Variants in MCAT observed in about 807,000 individuals in gnomAD.
MCAT encodes the protein malonyl-CoA-acyl carrier protein transacylase, mitochondrial.
In MCAT, 22 loss-of-function variants were observed where a neutral mutation model predicts 22.9. That is an observed-to-expected ratio of 0.96 (90% CI 0.69 to 1.37). The LOEUF (loss-of-function observed/expected upper bound fraction) is 1.37, where lower values mean the gene tolerates loss of function less well. Ranked by LOEUF, MCAT falls within the 40% of genes most tolerant of loss-of-function variation. The pLI, the probability that MCAT is intolerant of heterozygous loss-of-function variation, is 0.00. For synonymous variants in MCAT, 240 were observed against 233.9 expected, an observed-to-expected ratio of 1.03 and a Z score of -0.24; for missense variants, 534 against 533.6, an observed-to-expected ratio of 1.00 and a Z score of -0.01.
chr22:43,135,503 CAAAAAACAAAA>C (rs1434378318), intron 3 of MCAT, among the ~76,000 whole-genome samples: 2 of 33,126 alleles, frequency 6.0e-5, no homozygotes, highest in Non-Finnish European at 7.2e-5. Context: ...GACATTGTCT[CAAAAAACAAAA>C]AAAAAAAAAA....
chr22:43,133,548 C>T, intron 3 of MCAT, 62 bp from the exon 4 acceptor site: 1 of 1,369,860 alleles, frequency 7.3e-7, no homozygotes, highest in South Asian at 1.4e-5. Context: ...ACAGATCTGA[C>T]CATTCACAGG....
chr22:43,140,994 C>T (rs1930751271), intron 2 of MCAT, 168 bp downstream of exon 2: 1 of 611,522 alleles, frequency 1.6e-6, no homozygotes, highest in African/African-American at 1.8e-5. Flanking sequence ...ATCCTTCAGT[C>T]TTGAAAAGGA....
At position 43,133,414 on chromosome 22, in the gene MCAT, C is replaced by T. The variant is rs1438223464; in HGVS notation, c.802G>A (p.Ala268Thr). 3.7e-6 allele frequency: 6 copies of T among 1,613,928 alleles called. No homozygotes were observed. The Admixed American group carries it at 5.0e-5, about 13-fold the overall frequency. ...GGCTCCATGAGGCGGGTGTGGAATG[C>T]GCCACTAACCGGCAACATCCTGGTG... Reference protein sequence around the residue: ...RRTRMLPVSGAFHTRLMEPAV... With the variant: ...RRTRMLPVSGTFHTRLMEPAV... The change falls in exon 4 of 4, where the codon GCA becomes ACA. Residue 268 changes from alanine to threonine, a missense_variant. Ala to Thr is a moderately conservative substitution (Grantham distance 58). Coordinates refer to ENST00000290429, the MANE Select transcript of MCAT (RefSeq NM_173467.5).
At position 43,137,291 on chromosome 22, in the gene MCAT, A is replaced by G. The variant is rs1356746048; in HGVS notation, c.519T>C (p.Tyr173=). The change falls in exon 3 of 4, where the codon TAT becomes TAC. Residue 173 remains tyrosine (Y), a synonymous_variant. Transcript: ENST00000290429. ...TGGCCTCAGCTCGGATTTTCACTGC[A>G]TACAAACCTGGCCAGAGAGAAGCGC... The part of the protein sequence containing the change: ...AGAMEFAEGL[Y]AVKIRAEAMQ... The G allele has an allele frequency of 1.9e-6, 3 of 1,613,598 alleles. No individual in the cohort carries two copies. In the Admixed American group the frequency reaches 5.0e-5, roughly 27 times the overall value.
intron 3 of MCAT, among the ~76,000 whole-genome samples, chr22:43,136,394 C>T (rs1930611744): frequency 6.6e-6 from 1 of 152,260 alleles, no homozygotes; most frequent in Admixed American, 6.5e-5. Context: ...GAGCCAGGCA[C>T]TCAGCACCCA....
chr22:43,138,389 A>C (rs1476882899), intron 2 of MCAT, among the ~76,000 whole-genome samples: 1 of 152,166 alleles, frequency 6.6e-6, no homozygotes, highest in East Asian at 1.9e-4. Context: ...ATGACTCCTG[A>C]TTCAGTGTGG....
chr22:43,140,922 G>A (rs1014796359), intron 2 of MCAT: 62 of 543,688 alleles, frequency 1.1e-4, no homozygotes, highest in Middle Eastern at 9.6e-4. Context: ...ACAGGATAGC[G>A]GGTTAGACAG....
intron 3 of MCAT, among the ~76,000 whole-genome samples, chr22:43,134,492 C>T (rs1930547651): frequency 6.6e-6 from 1 of 152,164 alleles, no homozygotes; most frequent in Admixed American, 6.5e-5. Context: ...GGACTATAAG[C>T]ATGTACCACC....
intron 3 of MCAT, among the ~76,000 whole-genome samples, chr22:43,134,055 C>T (rs940991498): frequency 6.6e-5 from 10 of 152,176 alleles, no homozygotes; most frequent in Non-Finnish European, 1.2e-4. Context: ...CATGAGCCGC[C>T]GCACCCGGAT....
chr22:43,140,589 T>C (rs1391428342), intron 2 of MCAT, among the ~76,000 whole-genome samples: 1 of 152,140 alleles, frequency 6.6e-6, no homozygotes, highest in African/African-American at 2.4e-5. Flanking sequence ...GGCTCAAACA[T>C]CTATCTGCCT....
intron 2 of MCAT, among the ~76,000 whole-genome samples, chr22:43,137,685 A>G (rs1213632222): frequency 1.3e-5 from 2 of 151,676 alleles, no homozygotes; most frequent in Non-Finnish European, 2.9e-5. Context: ...TGCACAGGTC[A>G]GCCCCCCTTG....
chr22:43,141,632 C>A (rs1352406032), intron 1 of MCAT, among the ~76,000 whole-genome samples: 1 of 151,966 alleles, frequency 6.6e-6, no homozygotes, highest in Non-Finnish European at 1.5e-5. Context: ...AGTGCAATGG[C>A]GTGATCTCGG....
chr22:43,135,596 G>A (rs991499504), intron 3 of MCAT, among the ~76,000 whole-genome samples: 1 of 151,848 alleles, frequency 6.6e-6, no homozygotes, highest in African/African-American at 2.4e-5. Flanking sequence ...CTACTGGGGA[G>A]ACTCCTGCCC....
In MCAT at chr22:43,141,174, C is replaced by T. The variant is rs376771812; in HGVS notation, c.499G>A (p.Glu167Lys). The change falls in exon 2 of 4, where the codon GAA becomes AAA. Residue 167 changes from glutamate to lysine, a missense_variant. Coordinates refer to ENST00000290429, the MANE Select transcript of MCAT (RefSeq NM_173467.5). ...FAALVFAGAM[E>K]FAEGLYAVKI... ...CTCCTTCCTGTACCTTCAGCAAATT[C>T]CATGGCTCCGGCAAACACTAGGGCT... The T allele has an allele frequency of 1.1e-5, 17 of 1,614,006 alleles. No homozygotes were observed. The highest frequency in any genetic ancestry group is 1.4e-5 in the Non-Finnish European group (16 of 1,180,026).
chr22:43,142,806 A>C lies in MCAT; in HGVS notation c.423+120T>G. 6 of 1,121,368 alleles carry C rather than the reference A, an allele frequency of 5.4e-6. No individual in the cohort carries two copies. In the East Asian group the frequency reaches 1.8e-4, roughly 34 times the overall value. The allele number at this position is 1,121,368 out of a possible 1,614,324, so 69.5% of individuals were successfully genotyped here. On this transcript the variant is annotated intron_variant, in intron 1 of 3. Coordinates refer to ENST00000290429, the MANE Select transcript of MCAT (RefSeq NM_173467.5). ...AAAAACAAAAACAAACAAAAAAAAA[A>C]ACTCGATCGAATGAGTAAGACGTGG...
chr22:43,141,298 A>T (rs1268294151), intron 1 of MCAT, 49 bp from the exon 2 acceptor site: 2 of 1,516,246 alleles, frequency 1.3e-6, no homozygotes, highest in Non-Finnish European at 9.2e-7. Flanking sequence ...TGGGGATCCC[A>T]GTTCCAGGGC....
chr22:43,137,996 C>CAGG (rs60105392), intron 2 of MCAT, among the ~76,000 whole-genome samples: 3,787 of 152,168 alleles, frequency 0.025, 174 homozygotes, highest in African/African-American at 0.087. Flanking sequence ...GAGGCTGAGG[C>CAGG]AGGACGGCTT....
chr22:43,141,086 T>C lies in MCAT; in HGVS notation c.511+76A>G, dbSNP rs115712685. 904 of 1,169,008 alleles carry C rather than the reference T, an allele frequency of 7.7e-4. 12 individuals carry two copies. The African/African-American group carries it at 0.012, about 16-fold the overall frequency. 72.4% of individuals were successfully genotyped at this position (1,169,008 alleles called of 1,614,324 possible). A position where few individuals can be genotyped will look rare whatever the true frequency, so the allele number is the denominator to read the frequency against. ...TCCCATCACCTGAGTGGGTCCAGTA[T>C]CATTTTTGGCAGTGTCCCTTACCCC... On this transcript the variant is annotated intron_variant, in intron 2 of 3. Coordinates refer to ENST00000290429, the MANE Select transcript of MCAT (RefSeq NM_173467.5).
At chr22:43,142,780 A>AAAC (rs1930807942) in intron 1 of MCAT, 146 bp downstream of exon 1, 1 of 942,346 alleles carries the variant, frequency 1.1e-6, no homozygotes, top group Admixed American at 3.7e-5. Context: ...GTCTCAAAAA[A>AAAC]AAAAACAAAA....
Sources: allele counts gnomAD v4.1 joint callset (sites outside exome capture counted in the v4.1 genomes callset), GRCh38; gene constraint gnomAD v4.1.1; transcripts MANE v1.5; gene names NCBI Gene and HGNC (gene_info 2026-07-23, HGNC 2026-07-21).